Variants in KIF21A observed in about 807,000 individuals in gnomAD.
KIF21A encodes the protein kinesin-like protein KIF21A.
KIF21A carries 114 observed loss-of-function variants against 202.9 expected under a neutral mutation model. The observed-to-expected ratio is 0.56, with a 90% CI of 0.48 to 0.66. The LOEUF (loss-of-function observed/expected upper bound fraction) is 0.66. KIF21A is among the 30% of genes least tolerant of loss of function. KIF21A has a pLI of 0.00. For missense variants in KIF21A, 1,677 were observed against 1,994.9 expected (o/e 0.84, Z 3.04); for synonymous variants, 667 against 670.8 (o/e 0.99, Z 0.09).
Position 39,341,029 on chromosome 12 carries a change from C to T in KIF21A, c.1987G>A (p.Glu663Lys). Residue 663 changes from glutamate to lysine, a missense_variant, in exon 15 of 38, where the codon GAA (glutamate) becomes AAA (lysine). By Grantham distance (56) the Glu-to-Lys change is moderately conservative. Transcript: ENST00000361418. ...AGTCTTTTCTGGCTGTTTTCTAGTT[C>T]ATCAATCAGCTTTTGCTTAATTGCA... ...EIAIKQKLIDELENSQKRLQT... is the reference protein window; with the variant it reads ...EIAIKQKLIDKLENSQKRLQT... 6.2e-7 allele frequency: 1 copy of T among 1,612,326 alleles called. No individual in the cohort carries two copies. Among genetic ancestry groups the T allele is most frequent in the South Asian group, 1.1e-5 (1 of 90,954 alleles).
intron 16 of KIF21A, among the ~76,000 whole-genome samples, chr12:39,339,104 C>T (rs1592226965): frequency 6.6e-6 from 1 of 151,870 alleles, no homozygotes; most frequent in East Asian, 1.9e-4. Flanking sequence ...TATGGTGAAA[C>T]CCTGTCTCCA....
Position 39,370,276 on chromosome 12 carries a change from C to T in KIF21A, c.45-15G>A. ...GTGGTCTTATTCTGTGAGAAATAAT[C>T]AGAAAAGAAAAAAATAAAATAAATG... On this transcript the variant is annotated splice_polypyrimidine_tract_variant and intron_variant, in intron 1 of 37. Coordinates refer to ENST00000361418, the MANE Select transcript of KIF21A (RefSeq NM_001173464.2). 2 of 1,567,066 alleles carry T rather than the reference C, an allele frequency of 1.3e-6. No homozygotes were observed. The highest frequency in any genetic ancestry group is 1.7e-6 in the Non-Finnish European group (2 of 1,143,314).
chr12:39,320,468 A>G (rs1284645869), intron 27 of KIF21A, among the ~76,000 whole-genome samples: 1 of 152,178 alleles, frequency 6.6e-6, no homozygotes, highest in African/African-American at 2.4e-5. Context: ...GTAATCACAC[A>G]CACAAAAATA....
intron 10 of KIF21A, among the ~76,000 whole-genome samples, chr12:39,355,200 C>T (rs1461890406): frequency 1.3e-5 from 2 of 152,214 alleles, no homozygotes; most frequent in East Asian, 1.9e-4. Flanking sequence ...CTCTAAATGG[C>T]TTAAGGAAGG....
intron 1 of KIF21A, among the ~76,000 whole-genome samples, chr12:39,433,620 G>T (rs1294986728): frequency 6.6e-6 from 1 of 152,106 alleles, no homozygotes; most frequent in Non-Finnish European, 1.5e-5. Context: ...TGAGCAACTA[G>T]TAAAAAGTAT....
At chr12:39,355,292 T>G (rs2138777648) in intron 10 of KIF21A, among the ~76,000 whole-genome samples, 1 of 152,268 alleles carries the variant, frequency 6.6e-6, no homozygotes, top group Non-Finnish European at 1.5e-5. Flanking sequence ...GTGATTCTGG[T>G]AGTTTTCTAG....
intron 29 of KIF21A, among the ~76,000 whole-genome samples, 153 bp from the exon 30 acceptor site, chr12:39,316,123 A>G (rs1166028559): frequency 6.6e-6 from 1 of 152,098 alleles, no homozygotes; most frequent in Non-Finnish European, 1.5e-5. Flanking sequence ...ACTGGATATT[A>G]GCATGTTTAA....
chr12:39,299,657 T>G (rs1444738679), intron 37 of KIF21A, among the ~76,000 whole-genome samples: 3 of 152,148 alleles, frequency 2.0e-5, no homozygotes, highest in Admixed American at 6.5e-5. Flanking sequence ...CACACAAATG[T>G]TCATAACAGC....
chr12:39,332,469 T>C, intron 20 of KIF21A, 61 bp from the exon 21 acceptor site: 1 of 1,519,254 alleles, frequency 6.6e-7, no homozygotes, highest in Non-Finnish European at 9.1e-7. Flanking sequence ...TACAGTACCA[T>C]CAAACCCCCC....
chr12:39,427,899 T>C (rs1186759075), intron 1 of KIF21A, among the ~76,000 whole-genome samples: 1 of 152,148 alleles, frequency 6.6e-6, no homozygotes, highest in Non-Finnish European at 1.5e-5. Flanking sequence ...CCTCAGATGA[T>C]CCAGCTGCCT....
intron 29 of KIF21A, among the ~76,000 whole-genome samples, chr12:39,317,794 T>A (rs546245835): frequency 5.4e-4 from 82 of 152,256 alleles, no homozygotes; most frequent in African/African-American, 1.8e-3. Context: ...TCTCAAAGAT[T>A]TTTCAGTTCT....
chr12:39,422,932 T>C (rs1954423324), intron 1 of KIF21A, among the ~76,000 whole-genome samples: 1 of 152,238 alleles, frequency 6.6e-6, no homozygotes, highest in Admixed American at 6.5e-5. Flanking sequence ...AATCTAGCAC[T>C]GCCACTTCCA....
chr12:39,321,129 C>T lies in KIF21A; in HGVS notation c.3672-1116G>A, dbSNP rs573564125. ...CCTGCATCATTTAAATTATAAGCATCACCTGAGTAAAATTACGCAGTAATG... is the reference window on the plus strand; with the variant it reads ...CCTGCATCATTTAAATTATAAGCATTACCTGAGTAAAATTACGCAGTAATG... On this transcript the variant is annotated intron_variant, in intron 27 of 37. Coordinates refer to ENST00000361418, the MANE Select transcript of KIF21A (RefSeq NM_001173464.2). Among the ~76,000 whole-genome samples, 212 of 152,134 alleles carry T rather than the reference C, an allele frequency of 1.4e-3. 2 individuals carry two copies. The highest frequency in any genetic ancestry group is 4.9e-3 in the African/African-American group (202 of 41,494).
intron 1 of KIF21A, among the ~76,000 whole-genome samples, chr12:39,414,908 A>T (rs796761383): frequency 4.0e-5 from 6 of 151,164 alleles, no homozygotes; most frequent in African/African-American, 1.5e-4. Flanking sequence ...TTCTGTGATT[A>T]CAAGTGTTTT....
chr12:39,400,871 C>A (rs1055448583), intron 1 of KIF21A, among the ~76,000 whole-genome samples: 89 of 152,130 alleles, frequency 5.9e-4, no homozygotes, highest in Non-Finnish European at 1.2e-3. Context: ...ACAAAAAAAA[C>A]CTAAAGCAGA....
At chr12:39,410,121 G>A (rs553556366) in intron 1 of KIF21A, among the ~76,000 whole-genome samples, 4 of 152,266 alleles carry the variant, frequency 2.6e-5, no homozygotes, top group South Asian at 2.1e-4. Context: ...ATGAGCCACC[G>A]CACTTGTCCT....
intron 17 of KIF21A, among the ~76,000 whole-genome samples, 161 bp downstream of exon 17, chr12:39,336,935 C>T (rs1372098062): frequency 6.6e-6 from 1 of 152,134 alleles, no homozygotes; most frequent in Non-Finnish European, 1.5e-5. Flanking sequence ...TTACCATAAT[C>T]CACATACTGT....
At chr12:39,299,383 CA>C (rs1194131347) in intron 37 of KIF21A, among the ~76,000 whole-genome samples, 1 of 151,980 alleles carries the variant, frequency 6.6e-6, no homozygotes, top group Non-Finnish European at 1.5e-5. Flanking sequence ...TAGAGAAATG[CA>C]AATTAAAACC....
intron 1 of KIF21A, among the ~76,000 whole-genome samples, chr12:39,428,278 T>C (rs1954916906): frequency 6.6e-6 from 1 of 152,230 alleles, no homozygotes; most frequent in Non-Finnish European, 1.5e-5. Context: ...ACTCAAAAGG[T>C]ATTTGTTTTA....
Sources: gnomAD v4.1 joint callset for allele counts (sites outside exome capture counted in the v4.1 genomes callset) on GRCh38, gnomAD v4.1.1 for gene constraint, MANE v1.5 for transcripts, NCBI Gene and HGNC (gene_info 2026-07-23, HGNC 2026-07-21) for gene names.